The following SDK1 variants were observed in gnomAD, a reference collection of about 807,000 sequenced individuals.
SDK1 encodes the protein sidekick cell adhesion molecule 1, also known as protein sidekick-1.
In SDK1, 157 loss-of-function variants were observed where a neutral mutation model predicts 245.5. That is an observed-to-expected ratio of 0.64 (90% confidence interval 0.56 to 0.73). The LOEUF (loss-of-function observed/expected upper bound fraction) is 0.73, where lower values mean the gene tolerates loss of function less well. Ranked by LOEUF, SDK1 falls within the 30% of genes least tolerant of loss-of-function variation. The pLI, the probability that SDK1 is intolerant of heterozygous loss-of-function variation, is 0.00. For missense variants in SDK1, 3,583 were observed against 3,002.3 expected, an observed-to-expected ratio of 1.19 and a Z score of -4.52; for synonymous variants, 1,647 against 1,278.5, an observed-to-expected ratio of 1.29 and a Z score of -6.15.
intron 21 of SDK1, among the ~76,000 whole-genome samples, chr7:4,078,819 C>T (rs1392408690): frequency 6.6e-6 from 1 of 152,166 alleles, no homozygotes; most frequent in East Asian, 1.9e-4. Context: ...ATTCAGAACC[C>T]ACCTTCCACC....
chr7:3,425,247 C>T (rs989382072), intron 1 of SDK1, among the ~76,000 whole-genome samples: 4 of 151,942 alleles, frequency 2.6e-5, no homozygotes, highest in Non-Finnish European at 4.4e-5. Context: ...TGTTATCTTC[C>T]TATGGCACTG....
intron 1 of SDK1, among the ~76,000 whole-genome samples, chr7:3,527,109 C>T (rs1360772324): frequency 2.0e-5 from 3 of 152,268 alleles, no homozygotes; most frequent in South Asian, 2.1e-4. Flanking sequence ...GAGCACATAT[C>T]TTCTGATAAT....
rs139049635 is a variant in SDK1, at chr7:3,908,226, C to T, written c.848-42697C>T. 1.5e-3 allele frequency among the ~76,000 whole-genome samples: 228 copies of T among 152,348 alleles called. 2 individuals carry two copies. Among genetic ancestry groups the T allele is most frequent in the African/African-American group, 5.1e-3 (213 of 41,576 alleles). ...ACCCGGATGAGCGCCTTGTGTCCCG[C>T]TCACTTTGCGCGTTGGGCTGCAAAC... On this transcript the variant is annotated intron_variant, in intron 5 of 44. Transcript: ENST00000404826.
chr7:4,182,109 C>T (rs972047396), intron 35 of SDK1, among the ~76,000 whole-genome samples: 3 of 152,112 alleles, frequency 2.0e-5, no homozygotes, highest in African/African-American at 7.2e-5. Flanking sequence ...TTAGTAGAGA[C>T]GGGGTTTCAC....
intron 5 of SDK1, among the ~76,000 whole-genome samples, chr7:3,863,174 A>G (rs929142236): frequency 2.7e-4 from 41 of 152,224 alleles, no homozygotes; most frequent in African/African-American, 8.9e-4. Flanking sequence ...TCCAGGCTGG[A>G]TTATCTACTT....
intron 1 of SDK1, among the ~76,000 whole-genome samples, chr7:3,564,448 A>C (rs912063895): frequency 7.2e-5 from 11 of 152,020 alleles, no homozygotes; most frequent in African/African-American, 2.7e-4. Context: ...GAGATTGCGC[A>C]ACTACTTTCC....
chr7:4,232,411 C>CTTTTTTTTTTTTTTTTTTTTTTTTTTT (rs71032930), intron 40 of SDK1, among the ~76,000 whole-genome samples: 3 of 98,786 alleles, frequency 3.0e-5, no homozygotes, highest in Non-Finnish European at 5.9e-5. Context: ...TCTTTTCTTT[C>CTTTTTTTTTTTTTTTTTTTTTTTTTTT]TTTTTTTTTT....
At chr7:3,473,395 C>T (rs1319866063) in intron 1 of SDK1, among the ~76,000 whole-genome samples, 2 of 152,172 alleles carry the variant, frequency 1.3e-5, no homozygotes, top group Non-Finnish European at 2.9e-5. Flanking sequence ...TTTTAAAATA[C>T]TTTATAGATT....
chr7:3,417,443 C>T (rs1352998424), intron 1 of SDK1, among the ~76,000 whole-genome samples: 1 of 152,014 alleles, frequency 6.6e-6, no homozygotes, highest in East Asian at 1.9e-4. Context: ...TCTCTGCTAA[C>T]TTTCTCTTTT....
intron 4 of SDK1, among the ~76,000 whole-genome samples, chr7:3,811,335 G>A (rs1203642138): frequency 6.6e-6 from 1 of 152,158 alleles, no homozygotes; most frequent in African/African-American, 2.4e-5. Flanking sequence ...TCTATATTAA[G>A]ACAGAATATC....
chr7:4,139,659 G>GTA (rs1235605611), intron 28 of SDK1, among the ~76,000 whole-genome samples: 1 of 93,276 alleles, frequency 1.1e-5, no homozygotes, highest in South Asian at 3.7e-4. Flanking sequence ...ATGTGTGTGT[G>GTA]TATATGTGTG....
chr7:3,774,958 C>T (rs1008020456), intron 4 of SDK1, among the ~76,000 whole-genome samples: 2 of 152,120 alleles, frequency 1.3e-5, no homozygotes, highest in Admixed American at 6.5e-5. Context: ...GTGGAAGGTG[C>T]GTCTGCCGGG....
chr7:3,354,060 T>G (rs1456644585), intron 1 of SDK1, among the ~76,000 whole-genome samples: 1 of 151,576 alleles, frequency 6.6e-6, no homozygotes, highest in Non-Finnish European at 1.5e-5. Flanking sequence ...TGGCGAGATC[T>G]CGGCTCGCTG....
intron 1 of SDK1, among the ~76,000 whole-genome samples, chr7:3,476,337 C>T (rs1418703425): frequency 5.3e-5 from 8 of 152,132 alleles, no homozygotes; most frequent in East Asian, 1.9e-4. Flanking sequence ...TTGCCGTTAC[C>T]GCTCCTGGTC....
chr7:3,608,319 G>A (rs796601392), intron 1 of SDK1, among the ~76,000 whole-genome samples: 1 of 152,200 alleles, frequency 6.6e-6, no homozygotes, highest in African/African-American at 2.4e-5. Context: ...TTGGGAGGTT[G>A]TCCGAGCTGG....
chr7:3,676,524 A>G (rs368331922), intron 4 of SDK1, among the ~76,000 whole-genome samples: 3 of 151,420 alleles, frequency 2.0e-5, no homozygotes, highest in East Asian at 2.0e-4. Flanking sequence ...ACGGGGTTTC[A>G]CCCTGTTAGC....
At chr7:3,600,307 TGTGTGA>T (rs1420747658) in intron 1 of SDK1, among the ~76,000 whole-genome samples, 1 of 152,306 alleles carries the variant, frequency 6.6e-6, no homozygotes, top group Admixed American at 6.5e-5. Flanking sequence ...CTAGAAGGGC[TGTGTGA>T]GTGTGAGTGT....
chr7:3,461,775 G>A (rs1780838355), intron 1 of SDK1, among the ~76,000 whole-genome samples: 1 of 152,140 alleles, frequency 6.6e-6, no homozygotes, highest in Non-Finnish European at 1.5e-5. Flanking sequence ...TGACTGACCT[G>A]CATTTATCTT....
chr7:4,233,294 G>A lies in SDK1; in HGVS notation c.5867G>A (p.Arg1956Gln), dbSNP rs369276316. ...LWDMFVKDIP[R>Q]SATSYTLSLD... ...GACATGTTTGTGAAGGACATCCCGC[G>A]GAGCGCCACATCCTACACCCTCAGC... Residue 1956 changes from arginine (R) to glutamine (Q), a missense_variant, in exon 41 of 45, where the codon CGG becomes CAG. Coordinates refer to ENST00000404826, the MANE Select transcript of SDK1 (RefSeq NM_152744.4). 3.8e-5 allele frequency: 62 copies of A among 1,613,882 alleles called. 1 individual carries two copies. The East Asian group carries it at 6.0e-4, about 16-fold the overall frequency.
Sources: gnomAD v4.1 joint callset for allele counts (sites outside exome capture counted in the v4.1 genomes callset) on GRCh38, gnomAD v4.1.1 for gene constraint, MANE v1.5 for transcripts, NCBI Gene and HGNC (gene_info 2026-07-23, HGNC 2026-07-21) for gene names.